Variants in MOSPD2 observed in about 807,000 individuals in gnomAD.
MOSPD2 encodes the protein motile sperm domain-containing protein 2.
MOSPD2 carries 5 observed loss-of-function variants against 41.7 expected under a neutral mutation model. The observed-to-expected ratio is 0.12, with a 90% CI of 0.06 to 0.25. The LOEUF is 0.25. MOSPD2 is among the 10% of genes least tolerant of loss of function. The pLI is 1.00. For missense variants in MOSPD2, 282 were observed against 375.2 expected, an observed-to-expected ratio of 0.75 and a Z score of 2.05; for synonymous variants, 115 against 126.9, an observed-to-expected ratio of 0.91 and a Z score of 0.63.
At chrX:14,895,866 C>T (rs1250642594) in intron 4 of MOSPD2, among the ~76,000 whole-genome samples, 4 of 110,358 alleles carry the variant, frequency 3.6e-5, no homozygotes, top group African/African-American at 1.3e-4. Flanking sequence ...CCTGTTATAC[C>T]TCTCTCCCAC....
At chrX:14,877,115 G>A (rs2092521958) in intron 2 of MOSPD2, among the ~76,000 whole-genome samples, 1 of 111,519 alleles carries the variant, frequency 9.0e-6, no homozygotes, top group African/African-American at 3.3e-5. Context: ...AATACAGTGG[G>A]AATATAGTGT....
chrX:14,884,700 ATAAAT>A (rs756302177), intron 2 of MOSPD2, among the ~76,000 whole-genome samples: 3 of 111,957 alleles, frequency 2.7e-5, no homozygotes, highest in African/African-American at 6.5e-5. Context: ...CTAACCTAAA[ATAAAT>A]TAATGTAGAA....
At chrX:14,890,930 T>A (rs1012187377) in intron 2 of MOSPD2, among the ~76,000 whole-genome samples, 1 of 112,066 alleles carries the variant, frequency 8.9e-6, no homozygotes, top group Non-Finnish European at 1.9e-5. Flanking sequence ...GTTTTTTGTA[T>A]GAACCTTAGG....
At chrX:14,893,019 T>C in intron 3 of MOSPD2, 141 bp downstream of exon 3, 1 of 437,376 alleles carries the variant, frequency 2.3e-6, no homozygotes, top group Non-Finnish European at 3.8e-6. Context: ...GACCCAGTAA[T>C]ATTTTCAAAG....
At chrX:14,885,772 A>G (rs1378898287) in intron 2 of MOSPD2, among the ~76,000 whole-genome samples, 1 of 111,736 alleles carries the variant, frequency 8.9e-6, no homozygotes, top group Non-Finnish European at 1.9e-5. Context: ...TTATTAAAAA[A>G]AAAACTGAAG....
chrX:14,919,989 G>C lies in MOSPD2; in HGVS notation c.*180G>C, dbSNP rs1487590567. ...AAATAAACTGCTAGAATAAAGAAATGCTGGAGAAATTGATTATAAGAGACT... is the reference window on the plus strand; with the variant it reads ...AAATAAACTGCTAGAATAAAGAAATCCTGGAGAAATTGATTATAAGAGACT... On this transcript the variant is annotated 3_prime_UTR_variant, in exon 15 of 15. Coordinates refer to ENST00000380492, the MANE Select transcript of MOSPD2 (RefSeq NM_152581.4). 1.0e-6 allele frequency: 1 copy of C among 978,299 alleles called. No homozygotes were observed. Among genetic ancestry groups the C allele is most frequent in the Middle Eastern group, 4.3e-4 (1 of 2,341 alleles). 80.6% of individuals were successfully genotyped at this position (978,299 alleles called of 1,213,427 possible).
intron 3 of MOSPD2, among the ~76,000 whole-genome samples, chrX:14,893,723 A>G (rs2092558022): frequency 8.9e-6 from 1 of 112,727 alleles, no homozygotes; most frequent in African/African-American, 3.2e-5. Context: ...TGCAGAAGGA[A>G]TCCCTGAAAG....
intron 2 of MOSPD2, among the ~76,000 whole-genome samples, chrX:14,888,870 G>A (rs2092548106): frequency 9.0e-6 from 1 of 111,052 alleles, no homozygotes; most frequent in African/African-American, 3.3e-5. Flanking sequence ...TCTTGTCTTA[G>A]TCCGTTCTGT....
chrX:14,916,451 G>A (rs1602042040), intron 13 of MOSPD2, 125 bp downstream of exon 13: 1 of 1,035,389 alleles, frequency 9.7e-7, no homozygotes, highest in East Asian at 3.1e-5. Flanking sequence ...AGGCTCTGGG[G>A]ATGCCCAGAT....
chrX:14,874,569 A>T (rs921274221), intron 2 of MOSPD2: 27 of 111,676 alleles, frequency 2.4e-4, no homozygotes, highest in African/African-American at 8.1e-4. Flanking sequence ...TAAATTTTTT[A>T]AAAAAACATA....
chrX:14,902,663 G>T (rs1193060682), intron 6 of MOSPD2, among the ~76,000 whole-genome samples: 1 of 111,788 alleles, frequency 8.9e-6, no homozygotes, highest in African/African-American at 3.2e-5. Context: ...GTACCTCCCT[G>T]CAAACAACAA....
chrX:14,874,079 G>A, intron 2 of MOSPD2: 1 of 297,447 alleles, frequency 3.4e-6, no homozygotes, highest in Admixed American at 5.3e-5. Flanking sequence ...CCAGTCCACG[G>A]TTCCACTGCT....
intron 8 of MOSPD2, among the ~76,000 whole-genome samples, chrX:14,910,540 T>C (rs1331159384): frequency 2.7e-5 from 3 of 112,023 alleles, no homozygotes; most frequent in Non-Finnish European, 5.6e-5. Flanking sequence ...TTGCCATTAC[T>C]AGTTTTGCTG....
chrX:14,908,735 G>A (rs778307226), intron 7 of MOSPD2, 125 bp from the exon 8 acceptor site: 91 of 595,756 alleles, frequency 1.5e-4, no homozygotes, highest in African/African-American at 1.0e-3. Context: ...AGTACATCAC[G>A]TAAAGATAAA....
intron 10 of MOSPD2, among the ~76,000 whole-genome samples, chrX:14,913,567 G>A (rs1316378612): frequency 8.9e-6 from 1 of 111,763 alleles, no homozygotes; most frequent in African/African-American, 3.3e-5. Context: ...AAGAAAGCCA[G>A]CAACCATGCA....
intron 2 of MOSPD2, among the ~76,000 whole-genome samples, chrX:14,879,426 G>C (rs1488625706): frequency 9.0e-6 from 1 of 111,303 alleles, no homozygotes; most frequent in African/African-American, 3.3e-5. Context: ...CAAGCGTATG[G>C]TGGCATTTTC....
intron 10 of MOSPD2, among the ~76,000 whole-genome samples, chrX:14,913,907 A>C (rs1220910416): frequency 8.9e-6 from 1 of 111,766 alleles, no homozygotes; most frequent in East Asian, 2.8e-4. Context: ...AGTAATAGTA[A>C]AATTTAAATA....
intron 7 of MOSPD2, 55 bp downstream of exon 7, chrX:14,903,059 G>A (rs976509470): frequency 3.1e-5 from 25 of 801,420 alleles, no homozygotes; most frequent in South Asian, 6.6e-5. Context: ...TTACTTTGCC[G>A]ATTTAGCCAT....
chrX:14,882,162 G>C (rs893115204), intron 2 of MOSPD2, among the ~76,000 whole-genome samples: 1 of 111,766 alleles, frequency 8.9e-6, no homozygotes, highest in African/African-American at 3.3e-5. Context: ...AAGAAGGAAA[G>C]CCTATCATTT....
Sources: gnomAD v4.1 joint callset for allele counts (sites outside exome capture counted in the v4.1 genomes callset) on GRCh38, gnomAD v4.1.1 for gene constraint, MANE v1.5 for transcripts, NCBI Gene and HGNC (gene_info 2026-07-23, HGNC 2026-07-21) for gene names.